Variants in VAC14 observed in about 807,000 individuals in gnomAD.
The protein encoded by VAC14 is VAC14 component of PIKFYVE complex.
VAC14 carries 47 observed loss-of-function variants against 85.3 expected under a neutral mutation model. The observed-to-expected ratio is 0.55, with a 90% CI of 0.44 to 0.70. VAC14 has a LOEUF of 0.70. Ranked by LOEUF, VAC14 falls within the 30% of genes least tolerant of loss-of-function variation. The pLI is 0.00. For missense variants in VAC14, 861 were observed against 1,004.3 expected (o/e 0.86, Z 1.93); for synonymous variants, 447 against 430.5 (o/e 1.04, Z -0.47).
At chr16:70,744,347 G>C in intron 13 of VAC14, 76 bp downstream of exon 13, 1 of 1,579,270 alleles carries the variant, frequency 6.3e-7, no homozygotes, top group Non-Finnish European at 8.6e-7. Context: ...CAACCCAAAG[G>C]ACCGCCATGG....
At chr16:70,707,326 A>G (rs1347939327) in intron 14 of VAC14, among the ~76,000 whole-genome samples, 1 of 152,226 alleles carries the variant, frequency 6.6e-6, no homozygotes, top group Admixed American at 6.5e-5. Context: ...TGGTACACTT[A>G]AAAGTTTCTT....
At chr16:70,766,852 G>A (rs1315186463) in intron 10 of VAC14, among the ~76,000 whole-genome samples, 1 of 152,116 alleles carries the variant, frequency 6.6e-6, no homozygotes, top group African/African-American at 2.4e-5. Flanking sequence ...CTCTGCACAT[G>A]CTCAGCAGGG....
intron 14 of VAC14, among the ~76,000 whole-genome samples, chr16:70,712,101 A>G (rs1379402274): frequency 6.6e-6 from 1 of 152,128 alleles, no homozygotes; most frequent in Non-Finnish European, 1.5e-5. Flanking sequence ...GGAGGCTGAA[A>G]AAATTCCTTT....
At chr16:70,713,709 G>GTTT (rs34017623) in intron 14 of VAC14, among the ~76,000 whole-genome samples, 3 of 133,706 alleles carry the variant, frequency 2.2e-5, no homozygotes, top group Admixed American at 7.3e-5. Context: ...CTTTGTTTTT[G>GTTT]TTTTTTTTTT....
chr16:70,790,731 C>A (rs545197196), intron 1 of VAC14, among the ~76,000 whole-genome samples: 1 of 152,102 alleles, frequency 6.6e-6, no homozygotes, highest in South Asian at 2.1e-4. Context: ...GGAAGGCCTC[C>A]CCCACCAGAG....
chr16:70,761,151 A>C (rs1170302920), intron 12 of VAC14: 1 of 455,362 alleles, frequency 2.2e-6, no homozygotes, highest in African/African-American at 2.0e-5. Flanking sequence ...TTCTCTCTTC[A>C]GCCCAGGTTC....
At position 70,690,188 on chromosome 16, in the gene VAC14, A is replaced by G. The variant is rs894615273; in HGVS notation, c.2187-2098T>C. The G allele has an allele frequency of 4.1e-6, 4 of 985,338 alleles. No homozygotes were observed. The African/African-American group carries it at 7.0e-5, about 17-fold the overall frequency. 61.0% of individuals were successfully genotyped at this position (985,338 alleles called of 1,614,324 possible). ...TGCTCCCTGGGCCCTTAGGGTGGCAAGAAGTCCTGCTCCCTGTGATGGGCA... is the reference window on the plus strand; with the variant it reads ...TGCTCCCTGGGCCCTTAGGGTGGCAGGAAGTCCTGCTCCCTGTGATGGGCA... On this transcript the variant is annotated intron_variant, in intron 18 of 18. Transcript: ENST00000261776.
intron 1 of VAC14, among the ~76,000 whole-genome samples, chr16:70,795,234 A>G (rs559031619): frequency 2.0e-5 from 3 of 152,288 alleles, no homozygotes; most frequent in African/African-American, 7.2e-5. Flanking sequence ...TGGGAGGCTG[A>G]GGCGGGTGGA....
In VAC14 at chr16:70,753,559, G is replaced by A. The variant is rs76687286; in HGVS notation, c.1372-8980C>T. On this transcript the variant is annotated intron_variant, in intron 12 of 18. Coordinates refer to ENST00000261776, the MANE Select transcript of VAC14 (RefSeq NM_018052.5). The stretch of plus-strand genomic sequence containing the variant: ...GGAGAGGGCACCAGGGCTGAGAGCT[G>A]GGGGTATATGGCCTACAGTCTCTAA... Among the ~76,000 whole-genome samples the A allele has an allele frequency of 7.2e-3, 1,094 of 152,314 alleles. 10 individuals are homozygous for A. The highest frequency in any genetic ancestry group is 0.025 in the African/African-American group (1,046 of 41,566).
At chr16:70,747,147 G>A (rs2143014582) in intron 12 of VAC14, 1 of 152,284 alleles carries the variant, frequency 6.6e-6, no homozygotes, top group South Asian at 2.1e-4. Context: ...AATATTATTT[G>A]GTAATAAAAA....
intron 9 of VAC14, among the ~76,000 whole-genome samples, chr16:70,774,235 T>G (rs1206544488): frequency 6.6e-6 from 1 of 152,244 alleles, no homozygotes; most frequent in Non-Finnish European, 1.5e-5. Context: ...TCCTCCAATC[T>G]GTTGCAGCCC....
At chr16:70,690,383 G>C in intron 18 of VAC14, 2 of 985,634 alleles carry the variant, frequency 2.0e-6, no homozygotes, top group Non-Finnish European at 1.2e-6. Flanking sequence ...AACCACCCTC[G>C]GGCACCGAGG....
intron 14 of VAC14, among the ~76,000 whole-genome samples, chr16:70,703,699 C>T (rs566865751): frequency 1.1e-4 from 16 of 152,212 alleles, no homozygotes; most frequent in East Asian, 1.9e-4. Context: ...TGGTTTTGTG[C>T]TGGGGGCGGG....
At chr16:70,787,506 G>T (rs566582724) in intron 1 of VAC14, among the ~76,000 whole-genome samples, 1 of 152,130 alleles carries the variant, frequency 6.6e-6, no homozygotes, top group East Asian at 1.9e-4. Flanking sequence ...CTGAGTGGAG[G>T]AGCTGAGGGA....
chr16:70,780,698 G>T, intron 9 of VAC14, 92 bp downstream of exon 9: 1 of 1,460,754 alleles, frequency 6.8e-7, no homozygotes. Context: ...AGTAGTCCTG[G>T]TTGCTTAAGT....
intron 13 of VAC14, among the ~76,000 whole-genome samples, chr16:70,743,213 T>G (rs1597920189): frequency 6.6e-6 from 1 of 152,096 alleles, no homozygotes; most frequent in Non-Finnish European, 1.5e-5. Context: ...CAATCAGCAC[T>G]CTATAAAAAT....
At chr16:70,722,593 G>C (rs926141704) in intron 14 of VAC14, among the ~76,000 whole-genome samples, 3 of 152,074 alleles carry the variant, frequency 2.0e-5, no homozygotes, top group African/African-American at 7.3e-5. Flanking sequence ...AGGACACCGG[G>C]ACAAGAGAAA....
At chr16:70,745,455 C>T (rs979409246) in intron 12 of VAC14, among the ~76,000 whole-genome samples, 6 of 151,822 alleles carry the variant, frequency 4.0e-5, no homozygotes, top group South Asian at 2.1e-4. Flanking sequence ...AGAGGGGCCA[C>T]GGACCTGCCC....
rs1280280136 is a variant in VAC14 at position 70,687,691 on chromosome 16, T to TGA, written c.*236_*237insTC. The TGA allele has an allele frequency of 1.0e-5, 4 of 399,618 alleles. No individual in the cohort carries two copies. The highest frequency in any genetic ancestry group is 1.7e-5 in the Non-Finnish European group (4 of 229,728). The allele number at this position is 399,618 out of a possible 1,614,324, so 24.8% of individuals were successfully genotyped here. A position where few individuals can be genotyped will look rare whatever the true frequency, so the allele number is the denominator to read the frequency against. On this transcript the variant is annotated 3_prime_UTR_variant, in exon 19 of 19. Coordinates refer to ENST00000261776, the MANE Select transcript of VAC14 (RefSeq NM_018052.5). The stretch of plus-strand genomic sequence containing the variant: ...GGTCTCTGAGGCTATAGCCCCCCAC[T>TGA]GGGTGGGCAGCCAGCTCTGTGAGAA...
Sources: allele counts gnomAD v4.1 joint callset (sites outside exome capture counted in the v4.1 genomes callset), GRCh38; gene constraint gnomAD v4.1.1; transcripts MANE v1.5; gene names NCBI Gene and HGNC (gene_info 2026-07-23, HGNC 2026-07-21).